Variants in BIN1 observed in about 807,000 individuals in gnomAD.
The protein encoded by BIN1 is bridging integrator 1, also known as myc box-dependent-interacting protein 1.
A neutral mutation model predicts 82.0 loss-of-function variants in BIN1; 53 were observed. The ratio of observed to expected loss-of-function variants is 0.65; its 90% confidence interval spans 0.52 to 0.81. The LOEUF (loss-of-function observed/expected upper bound fraction) is 0.81. Ranked by LOEUF, BIN1 falls within the 40% of genes least tolerant of loss-of-function variation. The pLI, the probability that BIN1 is intolerant of heterozygous loss-of-function variation, is 0.00. For missense variants in BIN1, 642 were observed against 784.4 expected (o/e 0.82, Z 2.17); for synonymous variants, 302 against 328.0 (o/e 0.92, Z 0.86).
intron 7 of BIN1, among the ~76,000 whole-genome samples, chr2:127,064,557 G>T (rs1684906042): frequency 6.6e-6 from 1 of 152,208 alleles, no homozygotes. Flanking sequence ...CACCTCCCAG[G>T]GATGGTCCTT....
At chr2:127,062,534 G>A (rs1423290835) in intron 9 of BIN1, among the ~76,000 whole-genome samples, 2 of 152,160 alleles carry the variant, frequency 1.3e-5, no homozygotes, top group Admixed American at 6.5e-5. Context: ...AATCTTAATT[G>A]TTAAGGTCAT....
Position 127,048,444 on chromosome 2 carries a change from G to A in BIN1, c.*82C>T, listed in dbSNP as rs111649895. ...CTTTGCTCTTCAAAAGATGAAAAAC[G>A]AAAACAAAACAAAAAAAAGAACCAC... On this transcript the variant is annotated 3_prime_UTR_variant, in exon 19 of 19. Coordinates refer to ENST00000316724, the MANE Select transcript of BIN1 (RefSeq NM_139343.3). 352 of 1,384,960 alleles carry A rather than the reference G, an allele frequency of 2.5e-4. 2 individuals carry two copies. The East Asian group carries it at 6.1e-3, about 24-fold the overall frequency. The allele number at this position is 1,384,960 out of a possible 1,614,324, so 85.8% of individuals were successfully genotyped here. A position where few individuals can be genotyped will look rare whatever the true frequency, so the allele number is the denominator to read the frequency against.
chr2:127,070,806 G>A lies in BIN1; in HGVS notation c.176C>T (p.Thr59Ile), dbSNP rs755973108. The A allele has an allele frequency of 9.9e-6, 16 of 1,612,216 alleles. No homozygotes were observed. The highest frequency in any genetic ancestry group is 8.5e-7 in the Non-Finnish European group (1 of 1,179,914). ...GGTCCGGAGATCCTTCTGCAGCCGGGTGCCCTCCGTCTGCAAAGAGAAGGA... is the reference window on the plus strand; with the variant it reads ...GGTCCGGAGATCCTTCTGCAGCCGGATGCCCTCCGTCTGCAAAGAGAAGGA... Reference protein sequence around the residue: ...QNFNKQLTEGTRLQKDLRTYL... With the variant: ...QNFNKQLTEGIRLQKDLRTYL... The change falls in exon 3 of 19, where the codon ACC becomes ATC. Residue 59 changes from threonine (T) to isoleucine (I), a missense_variant. By Grantham distance (89) the Thr-to-Ile change is moderately conservative. Coordinates refer to ENST00000316724, the MANE Select transcript of BIN1 (RefSeq NM_139343.3).
intron 12 of BIN1, 84 bp from the exon 13 acceptor site, chr2:127,054,096 G>A: frequency 8.7e-7 from 1 of 1,143,992 alleles, no homozygotes; most frequent in Non-Finnish European, 1.3e-6. Flanking sequence ...TGCAGGCACA[G>A]GCACACGCGT....
rs529135474 is a variant in BIN1 at position 127,102,705 on chromosome 2, T to C, written c.84+4155A>G. On this transcript the variant is annotated intron_variant, in intron 1 of 18. Transcript: ENST00000316724. ...TGGAAGCCATGCTTCCAACCTCCCA[T>C]GCCCACACGCCTTTACCGAACACCC... Among the ~76,000 whole-genome samples the C allele has an allele frequency of 1.4e-4, 21 of 152,286 alleles. No homozygotes were observed. In the East Asian group the frequency reaches 3.9e-3, roughly 28 times the overall value.
chr2:127,101,964 A>G (rs974415844), intron 1 of BIN1, among the ~76,000 whole-genome samples: 1 of 152,152 alleles, frequency 6.6e-6, no homozygotes, highest in Non-Finnish European at 1.5e-5. Context: ...AAGGTGCCAC[A>G]TGTGGGCTCA....
Position 127,093,474 on chromosome 2 carries a change from G to A in BIN1, c.84+13386C>T, listed in dbSNP as rs1017090920. Among the ~76,000 whole-genome samples the A allele has an allele frequency of 6.6e-6, 1 of 152,104 alleles. No individual in the cohort carries two copies. ...GACCCTCATTCCACAGGGGTCCTGC[G>A]CTGTATGTGGGAGGAAGCCACACAA... On this transcript the variant is annotated intron_variant, in intron 1 of 18. Transcript: ENST00000316724. The surrounding 1 kb of genome is among the most constrained non-coding windows in gnomAD (Gnocchi z 5.7).
intron 1 of BIN1, among the ~76,000 whole-genome samples, chr2:127,101,090 T>C (rs903801582): frequency 6.7e-6 from 1 of 148,860 alleles, no homozygotes; most frequent in African/African-American, 2.5e-5. Context: ...CAAGTGGCCC[T>C]GGGCAGCAGA....
At chr2:127,104,919 C>T (rs1044460847) in intron 1 of BIN1, among the ~76,000 whole-genome samples, 8 of 152,178 alleles carry the variant, frequency 5.3e-5, no homozygotes, top group East Asian at 1.9e-4. Context: ...AACTAGTCTC[C>T]GGCAGGCAGA....
chr2:127,106,113 C>G (rs1322073639), intron 1 of BIN1, among the ~76,000 whole-genome samples: 2 of 152,322 alleles, frequency 1.3e-5, no homozygotes, highest in African/African-American at 2.4e-5. Context: ...CGCGCCTCCT[C>G]CAGGCCAGCT....
At chr2:127,053,687 A>T in intron 13 of BIN1, 1 of 713,840 alleles carries the variant, frequency 1.4e-6, no homozygotes, top group Non-Finnish European at 2.5e-6. Flanking sequence ...CAAAGTTGCC[A>T]GGAAGTGTTC....
At chr2:127,088,879 AAGG>A (rs1184898146) in intron 1 of BIN1, among the ~76,000 whole-genome samples, 1 of 152,052 alleles carries the variant, frequency 6.6e-6, no homozygotes, top group Non-Finnish European at 1.5e-5. Flanking sequence ...AAGGAAGAAG[AAGG>A]TAGAACTCAC....
At chr2:127,054,118 C>T in intron 12 of BIN1, 106 bp from the exon 13 acceptor site, 2 of 874,044 alleles carry the variant, frequency 2.3e-6, no homozygotes, top group Non-Finnish European at 3.7e-6. Flanking sequence ...GACACACACA[C>T]ATACACACAC....
Position 127,070,631 on chromosome 2 carries a change from G to C in BIN1, c.237C>G (p.Ser79=), listed in dbSNP as rs371210760. The C allele has an allele frequency of 6.2e-7, 1 of 1,613,976 alleles. No homozygotes were observed. Among genetic ancestry groups the C allele is most frequent in the Non-Finnish European group, 8.5e-7 (1 of 1,180,030 alleles). ...CCTGCAGACACTCATTCAGCTTCTT[G>C]GAAGCCTCGTGCATGGCTGTGGGGC... The part of the protein sequence containing the change: ...LASVKAMHEA[S]KKLNECLQEV... Residue 79 remains serine (S), a synonymous_variant, in exon 4 of 19, where the codon TCC becomes TCG. Coordinates refer to ENST00000316724, the MANE Select transcript of BIN1 (RefSeq NM_139343.3).
chr2:127,084,286 G>A (rs17014920), intron 1 of BIN1, among the ~76,000 whole-genome samples: 16 of 152,290 alleles, frequency 1.1e-4, no homozygotes, highest in East Asian at 1.9e-4. Flanking sequence ...CACGTGACCC[G>A]GCATTCCACA....
chr2:127,052,488 T>G (rs993087842), intron 14 of BIN1, 126 bp from the exon 15 acceptor site: 2 of 865,506 alleles, frequency 2.3e-6, no homozygotes, highest in Non-Finnish European at 3.6e-6. Context: ...GCAGGGTGGG[T>G]ACCAGCGGAG....
At chr2:127,075,356 G>A (rs992100832) in intron 2 of BIN1, among the ~76,000 whole-genome samples, 3 of 152,226 alleles carry the variant, frequency 2.0e-5, no homozygotes, top group African/African-American at 4.8e-5. Context: ...GTAGGGACAT[G>A]CCCTGGGGCT....
At chr2:127,056,788 A>G (rs535602342) in intron 12 of BIN1, among the ~76,000 whole-genome samples, 1 of 152,348 alleles carries the variant, frequency 6.6e-6, no homozygotes, top group East Asian at 1.9e-4. Flanking sequence ...CGCTTCCAGC[A>G]CAGGTACTCC....
intron 13 of BIN1, 110 bp from the exon 14 acceptor site, chr2:127,053,555 G>T: frequency 7.0e-7 from 1 of 1,431,926 alleles, no homozygotes; most frequent in Non-Finnish European, 9.6e-7. Flanking sequence ...ATCCAGCCCA[G>T]CAGGCACAGG....
Sources: allele counts gnomAD v4.1 joint callset (sites outside exome capture counted in the v4.1 genomes callset), GRCh38; gene constraint gnomAD v4.1.1; non-coding constraint Gnocchi (gnomAD v3.1); transcripts MANE v1.5; gene names NCBI Gene and HGNC (gene_info 2026-07-23, HGNC 2026-07-21).